KCNJ6: variants seen among roughly 807,000 people sequenced by gnomAD.
KCNJ6 encodes the protein potassium inwardly rectifying channel subfamily J member 6, also known as G protein-activated inward rectifier potassium channel 2.
Under a neutral mutation model 34.2 loss-of-function variants are expected in KCNJ6, and 9 were observed. The ratio of observed to expected loss-of-function variants is 0.26; its 90% CI spans 0.16 to 0.46. The LOEUF (loss-of-function observed/expected upper bound fraction) is 0.46. KCNJ6 is among the 20% of genes least tolerant of loss of function. The probability of loss-of-function intolerance (pLI) is 1.00; values close to 1 mark genes in which losing one functional copy is unlikely to be tolerated. For missense variants in KCNJ6, 236 were observed against 531.3 expected (o/e 0.44, Z 5.46); for synonymous variants, 196 against 207.1 (o/e 0.95, Z 0.46).
intron 2 of KCNJ6, among the ~76,000 whole-genome samples, chr21:37,728,046 G>C (rs2054864435): frequency 6.6e-6 from 1 of 152,256 alleles, no homozygotes; most frequent in Non-Finnish European, 1.5e-5. Flanking sequence ...AAAGGTGGTA[G>C]CAATTCGAGT....
chr21:37,621,110 A>T lies in KCNJ6; in HGVS notation c.*4049T>A, dbSNP rs1157184933. ...AATGTTAAAGCCATCCATTGAAAGGAAATCATCCTTGAAGATAATGTTTAC... is the reference window on the plus strand; with the variant it reads ...AATGTTAAAGCCATCCATTGAAAGGTAATCATCCTTGAAGATAATGTTTAC... On this transcript the variant is annotated 3_prime_UTR_variant, in exon 4 of 4. Coordinates refer to ENST00000609713, the MANE Select transcript of KCNJ6 (RefSeq NM_002240.5). 6.6e-6 allele frequency: 1 copy of T among 152,242 alleles called. No individual in the cohort carries two copies. The highest frequency in any genetic ancestry group is 2.4e-5 in the African/African-American group (1 of 41,468). The allele number at this position is 152,242 out of a possible 1,614,324, so 9.4% of individuals were successfully genotyped here.
At chr21:37,785,971 T>C (rs2055190861) in intron 2 of KCNJ6, among the ~76,000 whole-genome samples, 1 of 152,250 alleles carries the variant, frequency 6.6e-6, no homozygotes, top group African/African-American at 2.4e-5. Context: ...GAATCTGCCT[T>C]GATCTTGGAC....
intron 3 of KCNJ6, among the ~76,000 whole-genome samples, chr21:37,680,535 TGAG>T (rs1443678481): frequency 1.3e-5 from 2 of 152,174 alleles, no homozygotes; most frequent in East Asian, 3.8e-4. Context: ...TGGTTCTGGA[TGAG>T]ATTAGCATTT....
chr21:37,829,532 AG>A (rs1478395669), intron 2 of KCNJ6, among the ~76,000 whole-genome samples: 3 of 152,108 alleles, frequency 2.0e-5, no homozygotes, highest in Admixed American at 1.3e-4. Context: ...TGTGGGGGCC[AG>A]GGGGCAGTGA....
In KCNJ6 at chr21:37,796,779, C is replaced by CTTTTTTTTT. The variant is rs1172378200; in HGVS notation, c.25+43870_25+43878dup. ...GAGTGTTTGTGGGCTTTCTTTCTTTCTTTTTTTTTTTTTTTTTTTTTTTTT... is the reference window on the plus strand; with the variant it reads ...GAGTGTTTGTGGGCTTTCTTTCTTTCTTTTTTTTTTTTTTTTTTTTTTTTTTTTTTTTTT... On this transcript the variant is annotated intron_variant, in intron 2 of 3. Coordinates refer to ENST00000609713, the MANE Select transcript of KCNJ6 (RefSeq NM_002240.5). Among the ~76,000 whole-genome samples, 264 of 71,466 alleles carry CTTTTTTTTT rather than the reference C, an allele frequency of 3.7e-3. 1 individual carries two copies. Among genetic ancestry groups the CTTTTTTTTT allele is most frequent in the East Asian group, 5.3e-3 (11 of 2,090 alleles). 46.9% of individuals were successfully genotyped at this position (71,466 alleles called of 152,430 possible).
chr21:37,720,715 T>G (rs1178101399), intron 2 of KCNJ6, among the ~76,000 whole-genome samples: 1 of 151,026 alleles, frequency 6.6e-6, no homozygotes, highest in Admixed American at 6.6e-5. Flanking sequence ...TTTTTTTTTT[T>G]TTTGAGACGG....
At position 37,803,629 on chromosome 21, in the gene KCNJ6, T is replaced by C. The variant is rs113408408; in HGVS notation, c.25+37029A>G. Among the ~76,000 whole-genome samples the C allele has an allele frequency of 1.5e-4, 23 of 152,256 alleles. 1 individual carries two copies. The highest frequency in any genetic ancestry group is 5.5e-4 in the African/African-American group (23 of 41,552). ...TGTCACTGACCATTATTCCCTCAAA[T>C]TGGCAGAGAAGTGCCCTCCTCCCTG... On this transcript the variant is annotated intron_variant, in intron 2 of 3. Transcript: ENST00000609713.
At chr21:37,798,516 C>T (rs2123529388) in intron 2 of KCNJ6, among the ~76,000 whole-genome samples, 1 of 152,250 alleles carries the variant, frequency 6.6e-6, no homozygotes, top group South Asian at 2.1e-4. Context: ...AAGGTGAAAA[C>T]AACTCAAATG....
At chr21:37,914,913 G>A (rs1214051356) in intron 1 of KCNJ6, among the ~76,000 whole-genome samples, 1 of 118,526 alleles carries the variant, frequency 8.4e-6, no homozygotes, top group Non-Finnish European at 1.5e-5. Context: ...CTGGAGTTGT[G>A]GGGTTTTTTT....
chr21:37,785,594 T>C (rs984775463), intron 2 of KCNJ6, among the ~76,000 whole-genome samples: 6 of 152,228 alleles, frequency 3.9e-5, no homozygotes, highest in East Asian at 3.8e-4. Context: ...GTATCCTTCA[T>C]TGAGTGTCCA....
intron 3 of KCNJ6, among the ~76,000 whole-genome samples, chr21:37,665,746 T>C (rs1178692602): frequency 1.3e-5 from 2 of 152,218 alleles, no homozygotes; most frequent in African/African-American, 4.8e-5. Flanking sequence ...CAGACAATTT[T>C]TGTAGCCGAG....
At chr21:37,821,140 G>A (rs1057494624) in intron 2 of KCNJ6, among the ~76,000 whole-genome samples, 4 of 152,166 alleles carry the variant, frequency 2.6e-5, no homozygotes, top group African/African-American at 7.2e-5. Flanking sequence ...GTTTTGTGAA[G>A]GTGTGACTAA....
At chr21:37,672,785 C>T (rs1428499999) in intron 3 of KCNJ6, among the ~76,000 whole-genome samples, 3 of 151,914 alleles carry the variant, frequency 2.0e-5, no homozygotes, top group Non-Finnish European at 2.9e-5. Flanking sequence ...TTCTCTCTCT[C>T]TCTGTTTTCT....
rs996761437 is a variant in KCNJ6, at chr21:37,669,104, C to G, written c.947-43620G>C. 1.5e-3 allele frequency among the ~76,000 whole-genome samples: 226 copies of G among 152,196 alleles called. 1 individual carries two copies. Among genetic ancestry groups the G allele is most frequent in the African/African-American group, 5.3e-3 (220 of 41,440 alleles). On this transcript the variant is annotated intron_variant, in intron 3 of 3. Transcript: ENST00000609713. ...AACCCTGGTCTCCACAACCCCTTATCTTAACCCAAACACTCCTTTCTATTG... is the reference window on the plus strand; with the variant it reads ...AACCCTGGTCTCCACAACCCCTTATGTTAACCCAAACACTCCTTTCTATTG...
At chr21:37,739,769 G>C (rs1424744955) in intron 2 of KCNJ6, among the ~76,000 whole-genome samples, 1 of 152,154 alleles carries the variant, frequency 6.6e-6, no homozygotes, top group Admixed American at 6.5e-5. Flanking sequence ...TGAGGAGGGA[G>C]AGAGGGAGAA....
intron 2 of KCNJ6, among the ~76,000 whole-genome samples, chr21:37,767,610 C>G (rs139741958): frequency 2.0e-5 from 3 of 152,032 alleles, no homozygotes; most frequent in African/African-American, 7.3e-5. Flanking sequence ...GTCAATACTG[C>G]GGAAGCTGAG....
At chr21:37,838,239 A>G (rs1327344551) in intron 2 of KCNJ6, among the ~76,000 whole-genome samples, 6 of 152,248 alleles carry the variant, frequency 3.9e-5, no homozygotes, top group Non-Finnish European at 8.8e-5. Flanking sequence ...CCTGAAACCT[A>G]AAACCAATAA....
chr21:37,756,331 G>T (rs1173346179), intron 2 of KCNJ6, among the ~76,000 whole-genome samples: 2 of 152,228 alleles, frequency 1.3e-5, no homozygotes, highest in Non-Finnish European at 1.5e-5. Context: ...CTGGAGAGCA[G>T]GAACCACCCA....
At chr21:37,703,275 C>T (rs1466385999) in intron 3 of KCNJ6, among the ~76,000 whole-genome samples, 2 of 152,106 alleles carry the variant, frequency 1.3e-5, no homozygotes, top group Non-Finnish European at 2.9e-5. Context: ...TTGGAGATGG[C>T]CCTTGATGGA....
Sources: gnomAD v4.1 joint callset for allele counts (sites outside exome capture counted in the v4.1 genomes callset) on GRCh38, gnomAD v4.1.1 for gene constraint, MANE v1.5 for transcripts, NCBI Gene and HGNC (gene_info 2026-07-23, HGNC 2026-07-21) for gene names.